Variants in ATG7 observed in about 807,000 individuals in gnomAD.
The protein encoded by ATG7 is autophagy related 7.
Under a neutral mutation model 82.4 loss-of-function variants are expected in ATG7, and 70 were observed. That is an observed-to-expected ratio of 0.85 (90% CI 0.70 to 1.04). The LOEUF (loss-of-function observed/expected upper bound fraction) is 1.04. ATG7 is among the 50% of genes least tolerant of loss of function. The pLI, the probability that ATG7 is intolerant of heterozygous loss-of-function variation, is 0.00. For synonymous variants in ATG7, 287 were observed against 313.0 expected (o/e 0.92, Z 0.88); for missense variants, 792 against 864.3 (o/e 0.92, Z 1.05).
Position 11,387,086 on chromosome 3 carries a change from GTGTT to G in ATG7, c.1956+7035_1956+7038del, listed in dbSNP as rs2078377452. On this transcript the variant is annotated intron_variant, in intron 19 of 20. Coordinates refer to ENST00000693202, the MANE Select transcript of ATG7 (RefSeq NM_001349232.2). ...AGGCCTTTGCCCACTCCTGGGACTG[GTGTT>G]GACATCAGAAATAAGAAAACAAAGA... Among the ~76,000 whole-genome samples, 4 of 152,356 alleles carry G rather than the reference GTGTT, an allele frequency of 2.6e-5. 1 individual carries two copies. In the South Asian group the frequency reaches 8.3e-4, roughly 32 times the overall value.
intron 20 of ATG7, among the ~76,000 whole-genome samples, chr3:11,554,253 C>T (rs955676119): frequency 5.9e-5 from 9 of 152,188 alleles, no homozygotes; most frequent in Non-Finnish European, 8.8e-5. Context: ...GTCTTTGCTC[C>T]AGGCCACCTC....
chr3:11,290,180 A>G (rs1471360244), intron 3 of ATG7, among the ~76,000 whole-genome samples: 1 of 152,262 alleles, frequency 6.6e-6, no homozygotes, highest in East Asian at 1.9e-4. Context: ...CTCATGAACA[A>G]GTAGGTCATA....
chr3:11,474,327 G>A (rs912396557), intron 20 of ATG7, among the ~76,000 whole-genome samples: 3 of 152,342 alleles, frequency 2.0e-5, no homozygotes, highest in East Asian at 3.9e-4. Flanking sequence ...AGGCTGGTGC[G>A]GTGTTTCACA....
downstream of ATG7, among the ~76,000 whole-genome samples, chr3:11,561,134 C>CCA (rs374477829): frequency 1.3e-5 from 2 of 151,718 alleles, no homozygotes; most frequent in African/African-American, 4.9e-5. Flanking sequence ...GACCCCCCCC[C>CCA]AGGGTCCTCC....
chr3:11,399,761 A>G (rs1249019381), intron 19 of ATG7, among the ~76,000 whole-genome samples: 1 of 152,142 alleles, frequency 6.6e-6, no homozygotes. Flanking sequence ...TTTAGTAGAG[A>G]CAGAGCTTCA....
the ATG7 span, chr3:11,564,950 A>G: frequency 6.4e-7 from 1 of 1,570,598 alleles, no homozygotes; most frequent in South Asian, 1.2e-5. Flanking sequence ...TGGGGGCCAC[A>G]GCGCGCTCGA....
intron 20 of ATG7, chr3:11,477,003 G>C (rs1449375536): frequency 1.0e-6 from 1 of 969,726 alleles, no homozygotes; most frequent in African/African-American, 1.7e-5. Flanking sequence ...CTTTATTACA[G>C]TGTTTTCCGA....
At chr3:11,453,380 G>A (rs1377359050) in intron 20 of ATG7, among the ~76,000 whole-genome samples, 1 of 152,216 alleles carries the variant, frequency 6.6e-6, no homozygotes, top group Non-Finnish European at 1.5e-5. Context: ...AAAACTCAGA[G>A]GGATAAAAGG....
chr3:11,509,518 ATTGT>A (rs982438342), intron 20 of ATG7, among the ~76,000 whole-genome samples: 1 of 151,972 alleles, frequency 6.6e-6, no homozygotes, highest in East Asian at 1.9e-4. Flanking sequence ...TTGCTGACAA[ATTGT>A]TTGTATTTTA....
At chr3:11,276,901 AACAAGT>A (rs2152623574) in intron 1 of ATG7, among the ~76,000 whole-genome samples, 1 of 152,274 alleles carries the variant, frequency 6.6e-6, no homozygotes, top group Admixed American at 6.5e-5. Context: ...CTCAAACTCA[AACAAGT>A]CTAAAACTAA....
chr3:11,304,046 G>T, intron 5 of ATG7, among the ~76,000 whole-genome samples: 1 of 151,848 alleles, frequency 6.6e-6, no homozygotes, highest in Middle Eastern at 3.4e-3. Flanking sequence ...AGCCGAGATC[G>T]CACGACTGCA....
intron 19 of ATG7, among the ~76,000 whole-genome samples, chr3:11,417,800 A>ATTT (rs1314378737): frequency 1.6e-4 from 17 of 109,360 alleles, no homozygotes; most frequent in African/African-American, 3.2e-4. Flanking sequence ...TATTATTATT[A>ATTT]TTTTATTTTA....
chr3:11,284,787 T>C (rs867205482), intron 3 of ATG7, among the ~76,000 whole-genome samples: 4 of 151,734 alleles, frequency 2.6e-5, no homozygotes, highest in Middle Eastern at 6.8e-3. Flanking sequence ...TGGGCTCAAG[T>C]GATCATCCTG....
chr3:11,446,329 G>A (rs2084550097), intron 20 of ATG7, among the ~76,000 whole-genome samples: 1 of 151,888 alleles, frequency 6.6e-6, no homozygotes, highest in Non-Finnish European at 1.5e-5. Flanking sequence ...TAGATTTCAT[G>A]GTTTCAATCA....
chr3:11,425,737 A>G (rs189363710), intron 19 of ATG7, among the ~76,000 whole-genome samples: 2 of 152,240 alleles, frequency 1.3e-5, no homozygotes, highest in African/African-American at 4.8e-5. Flanking sequence ...ATTCTCAAGA[A>G]GTACACCTTA....
chr3:11,299,313 G>C (rs369556171), intron 4 of ATG7, 49 bp from the exon 5 acceptor site: 2 of 1,546,430 alleles, frequency 1.3e-6, no homozygotes, highest in Non-Finnish European at 8.9e-7. Flanking sequence ...TGTTATGAAC[G>C]CTGCTATTTC....
intron 19 of ATG7, among the ~76,000 whole-genome samples, chr3:11,415,976 A>G (rs1031044987): frequency 7.9e-5 from 12 of 152,180 alleles, no homozygotes; most frequent in Non-Finnish European, 1.5e-4. Flanking sequence ...GCACTATGAC[A>G]TTGTGATGGC....
chr3:11,542,798 G>A (rs2070941132), intron 20 of ATG7, among the ~76,000 whole-genome samples: 1 of 152,208 alleles, frequency 6.6e-6, no homozygotes, highest in African/African-American at 2.4e-5. Context: ...TGAAGAAGGT[G>A]ACGTTTGGAA....
At chr3:11,498,745 G>C (rs2091069771) in intron 20 of ATG7, among the ~76,000 whole-genome samples, 1 of 152,116 alleles carries the variant, frequency 6.6e-6, no homozygotes, top group South Asian at 2.1e-4. Flanking sequence ...CCTTTCTGTA[G>C]GTCAGCCCTT....
Sources: allele counts gnomAD v4.1 joint callset (sites outside exome capture counted in the v4.1 genomes callset), GRCh38; gene constraint gnomAD v4.1.1; transcripts MANE v1.5; gene names NCBI Gene and HGNC (gene_info 2026-07-23, HGNC 2026-07-21).